Variants in KLF12 observed in about 807,000 individuals in gnomAD.
KLF12 encodes Krueppel-like factor 12.
In KLF12, 9 loss-of-function variants were observed where a neutral mutation model predicts 37.8. The ratio of observed to expected loss-of-function variants is 0.24; its 90% confidence interval spans 0.14 to 0.42. The LOEUF is 0.42. KLF12 is among the 10% of genes least tolerant of loss of function. KLF12 has a pLI of 1.00. For synonymous variants in KLF12, 208 were observed against 202.1 expected, an observed-to-expected ratio of 1.03 and a Z score of -0.25; for missense variants, 411 against 516.0, an observed-to-expected ratio of 0.80 and a Z score of 1.97.
rs558926193 is a variant in KLF12, at chr13:74,071,647, C to T, written c.-32+62092G>A. On this transcript the variant is annotated intron_variant, in intron 1 of 7. Coordinates refer to ENST00000377669, the MANE Select transcript of KLF12 (RefSeq NM_007249.5). The stretch of plus-strand genomic sequence containing the variant: ...GGCGGAGCTTGCAGTGAGCCAAGAT[C>T]GCACCACTGCACTCCAGCCTGGGCG... Among the ~76,000 whole-genome samples, 86 of 152,186 alleles carry T rather than the reference C, an allele frequency of 5.7e-4. 1 individual carries two copies. Among genetic ancestry groups the T allele is most frequent in the African/African-American group, 2.0e-3 (81 of 41,530 alleles).
chr13:73,899,938 T>C (rs1265218540), intron 3 of KLF12, among the ~76,000 whole-genome samples: 3 of 152,140 alleles, frequency 2.0e-5, no homozygotes, highest in Admixed American at 6.5e-5. Flanking sequence ...TAATAAAGTC[T>C]CCTCTCATAT....
At chr13:74,298,158 T>C in the KLF12 span, among the ~76,000 whole-genome samples, 1 of 152,218 alleles carries the variant, frequency 6.6e-6, no homozygotes, top group Non-Finnish European at 1.5e-5. Context: ...TTTTATTATA[T>C]TGTTGATAAA....
chr13:73,696,841 C>A (rs367589113), intron 7 of KLF12, among the ~76,000 whole-genome samples: 21 of 152,250 alleles, frequency 1.4e-4, no homozygotes, highest in Middle Eastern at 3.4e-3. Flanking sequence ...TTAATTCTTA[C>A]CCCATCTAAA....
intron 6 of KLF12, among the ~76,000 whole-genome samples, chr13:73,754,412 A>T (rs1879003122): frequency 6.6e-6 from 1 of 151,926 alleles, no homozygotes; most frequent in African/African-American, 2.4e-5. Flanking sequence ...TGTGCCCGGG[A>T]CCCTTGCCTC....
rs1169941296 is a variant in KLF12 at position 74,097,720 on chromosome 13, G to A, written c.-32+36019C>T. On this transcript the variant is annotated intron_variant, in intron 1 of 7. Transcript: ENST00000377669. ...TACATATATATATATGTATTTGTGT[G>A]TGTGTGTGTGTGTGTGTATGTTCAT... 2.7e-5 allele frequency among the ~76,000 whole-genome samples: 4 copies of A among 150,556 alleles called. No homozygotes were observed. The East Asian group carries it at 7.7e-4, about 29-fold the overall frequency.
chr13:73,754,476 G>C (rs1297559358), intron 6 of KLF12, among the ~76,000 whole-genome samples: 1 of 152,134 alleles, frequency 6.6e-6, no homozygotes, highest in Non-Finnish European at 1.5e-5. Context: ...AAGGAAAAGA[G>C]CATCAGCCAC....
chr13:73,736,872 C>T (rs1297826339), intron 6 of KLF12, among the ~76,000 whole-genome samples: 3 of 152,184 alleles, frequency 2.0e-5, no homozygotes, highest in African/African-American at 7.2e-5. Flanking sequence ...GGGAAAATTA[C>T]ATACTAATAA....
intron 3 of KLF12, among the ~76,000 whole-genome samples, chr13:73,862,001 T>C (rs748538733): frequency 2.9e-4 from 44 of 152,126 alleles, no homozygotes; most frequent in Admixed American, 1.2e-3. Context: ...ATTAATTGAA[T>C]AGTTTTCATA....
chr13:74,222,394 C>T, the KLF12 span, among the ~76,000 whole-genome samples: 6 of 152,160 alleles, frequency 3.9e-5, no homozygotes, highest in African/African-American at 1.4e-4. Context: ...CATGTGAATT[C>T]CACAGTCTTT....
At chr13:74,164,039 C>T in the KLF12 span, among the ~76,000 whole-genome samples, 1 of 152,042 alleles carries the variant, frequency 6.6e-6, no homozygotes, top group South Asian at 2.1e-4. Context: ...GTATATCTGG[C>T]CATTGCTTTC....
intron 6 of KLF12, among the ~76,000 whole-genome samples, chr13:73,760,879 T>C (rs1879506866): frequency 6.6e-6 from 1 of 152,146 alleles, no homozygotes; most frequent in South Asian, 2.1e-4. Flanking sequence ...GGAGCATACA[T>C]AAATGTGCAC....
intron 4 of KLF12, among the ~76,000 whole-genome samples, chr13:73,833,734 A>T (rs147170321): frequency 6.6e-6 from 1 of 152,184 alleles, no homozygotes; most frequent in Non-Finnish European, 1.5e-5. Flanking sequence ...TGTCACCTGA[A>T]GGGCCACGCA....
chr13:73,861,222 C>A (rs558546929), intron 3 of KLF12, among the ~76,000 whole-genome samples: 3 of 152,198 alleles, frequency 2.0e-5, no homozygotes, highest in East Asian at 3.9e-4. Flanking sequence ...TAACTAGATA[C>A]AATGATAAAT....
At chr13:74,073,496 C>G (rs1241856745) in intron 1 of KLF12, among the ~76,000 whole-genome samples, 1 of 152,082 alleles carries the variant, frequency 6.6e-6, no homozygotes, top group Non-Finnish European at 1.5e-5. Flanking sequence ...CAGTCAATAA[C>G]TATGCTTGTT....
intron 1 of KLF12, among the ~76,000 whole-genome samples, chr13:74,098,968 T>G (rs966251918): frequency 6.6e-6 from 1 of 152,118 alleles, no homozygotes; most frequent in Non-Finnish European, 1.5e-5. Flanking sequence ...TCCGCTTACT[T>G]TTGTAAGGTT....
chr13:74,177,330 T>C, the KLF12 span, among the ~76,000 whole-genome samples: 6 of 152,154 alleles, frequency 3.9e-5, no homozygotes, highest in Non-Finnish European at 7.3e-5. Context: ...TGTGAAAGTG[T>C]ATGGTATGTT....
rs139009831 is a variant in KLF12, at chr13:74,073,360, C to G, written c.-32+60379G>C. ...GATTGAGGGTAGGACAGTGGAATCA[C>G]ATGCAGTAATGTTGACCTTTGTACT... is the stretch of plus-strand genomic sequence containing the variant. On this transcript the variant is annotated intron_variant, in intron 1 of 7. Coordinates refer to ENST00000377669, the MANE Select transcript of KLF12 (RefSeq NM_007249.5). Among the ~76,000 whole-genome samples, 112 of 152,258 alleles carry G rather than the reference C, an allele frequency of 7.4e-4. 1 individual carries two copies. In the East Asian group the frequency reaches 0.015, roughly 20 times the overall value.
At chr13:73,895,723 T>C (rs1179377463) in intron 3 of KLF12, among the ~76,000 whole-genome samples, 1 of 152,014 alleles carries the variant, frequency 6.6e-6, no homozygotes. Flanking sequence ...ATGGAGGGAA[T>C]GGACAATAGG....
intron 6 of KLF12, among the ~76,000 whole-genome samples, chr13:73,746,804 TC>T (rs1878399930): frequency 7.3e-6 from 1 of 136,114 alleles, no homozygotes; most frequent in Non-Finnish European, 1.6e-5. Flanking sequence ...TGCCCCTCCC[TC>T]CCTCCTTTTT....
Sources: gnomAD v4.1 joint callset for allele counts (sites outside exome capture counted in the v4.1 genomes callset) on GRCh38, gnomAD v4.1.1 for gene constraint, MANE v1.5 for transcripts, NCBI Gene and HGNC (gene_info 2026-07-23, HGNC 2026-07-21) for gene names.